Variants in COX16 observed in about 807,000 individuals in gnomAD.
COX16 encodes cytochrome c oxidase assembly factor COX16, also known as cytochrome c oxidase assembly protein COX16 homolog, mitochondrial.
A neutral mutation model predicts 15.4 loss-of-function variants in COX16; 12 were observed. The ratio of observed to expected loss-of-function variants is 0.78; its 90% CI spans 0.50 to 1.26. The LOEUF (loss-of-function observed/expected upper bound fraction) is 1.26, where lower values mean the gene tolerates loss of function less well. Among genes scored for constraint, COX16 ranks in the 50% most tolerant of loss-of-function variants. COX16 has a pLI of 0.00. For missense variants in COX16, 124 were observed against 127.6 expected (o/e 0.97, Z 0.14); for synonymous variants, 46 against 41.1 (o/e 1.12, Z -0.46).
intron 2 of COX16, among the ~76,000 whole-genome samples, chr14:70,330,311 TCCAAA>T (rs1371058848): frequency 6.6e-6 from 1 of 152,064 alleles, no homozygotes; most frequent in African/African-American, 2.4e-5. Context: ...AATACAACTT[TCCAAA>T]ACTGACAAAG....
intron 2 of COX16, among the ~76,000 whole-genome samples, chr14:70,337,133 G>C (rs1438308109): frequency 2.0e-5 from 3 of 152,134 alleles, no homozygotes; most frequent in Non-Finnish European, 4.4e-5. Flanking sequence ...AAAAAGTAGA[G>C]ATCAAAACAT....
In COX16 at chr14:70,357,989, C is replaced by G. The variant is rs1016959623; in HGVS notation, c.69+1530G>C. 2.5e-4 allele frequency among the ~76,000 whole-genome samples: 38 copies of G among 152,224 alleles called. 1 individual carries two copies. Among genetic ancestry groups the G allele is most frequent in the Admixed American group, 1.6e-3 (25 of 15,294 alleles). On this transcript the variant is annotated intron_variant, in intron 1 of 3. Transcript: ENST00000389912. ...TCATAATAGTCAAAAATTGAAACAA[C>G]CCAAATGTTCATCAATTGATAAAAT...
intron 1 of COX16, among the ~76,000 whole-genome samples, chr14:70,349,144 C>T (rs1221811617): frequency 1.3e-5 from 2 of 152,180 alleles, no homozygotes; most frequent in Non-Finnish European, 2.9e-5. Context: ...GCAACTTCTC[C>T]GCCCTGTTCT....
At chr14:70,326,884 T>G (rs1399808804) in intron 3 of COX16, among the ~76,000 whole-genome samples, 1 of 152,146 alleles carries the variant, frequency 6.6e-6, no homozygotes, top group Admixed American at 6.5e-5. Context: ...GAGACCAAGA[T>G]CATTTGTCTT....
rs1886658847 is a variant in COX16, at chr14:70,342,679, T to C, written c.120A>G (p.Arg40=). 6.2e-7 allele frequency: 1 copy of C among 1,612,932 alleles called. No individual in the cohort carries two copies. The highest frequency in any genetic ancestry group is 1.3e-5 in the African/African-American group (1 of 74,822). The part of the protein sequence containing the change: ...SFGLREFSQI[R]YDAVKSKMDP... ...TTACTTTACTCTTCACAGCATCATA[T>C]CGGATTTGAGAAAACTCACGAAGAC... Residue 40 remains arginine, a synonymous_variant, in exon 2 of 4, where the codon CGA becomes CGG. Coordinates refer to ENST00000389912, the MANE Select transcript of COX16 (RefSeq NM_016468.7).
chr14:70,347,273 G>A (rs1290082836), intron 1 of COX16, among the ~76,000 whole-genome samples: 1 of 152,096 alleles, frequency 6.6e-6, no homozygotes, highest in Non-Finnish European at 1.5e-5. Context: ...CTTAGTCCAG[G>A]ACCTCAGGCT....
chr14:70,329,387 T>C, intron 2 of COX16, 151 bp from the exon 3 acceptor site: 1 of 607,534 alleles, frequency 1.6e-6, no homozygotes, highest in Non-Finnish European at 2.8e-6. Flanking sequence ...CACATAATGA[T>C]AACTAATGTA....
At chr14:70,332,499 C>G (rs1014212129) in intron 2 of COX16, among the ~76,000 whole-genome samples, 13 of 152,286 alleles carry the variant, frequency 8.5e-5, no homozygotes, top group South Asian at 2.1e-4. Context: ...CCCAGGGGGG[C>G]CCAGTCTCAG....
At position 70,342,717 on chromosome 14, in the gene COX16, C is replaced by T. The variant is rs749123716; in HGVS notation, c.82G>A (p.Gly28Arg). The T allele has an allele frequency of 6.2e-7, 1 of 1,612,488 alleles. No individual in the cohort carries two copies. The highest frequency in any genetic ancestry group is 1.7e-5 in the Admixed American group (1 of 59,770). Residue 28 changes from glycine to arginine, a missense_variant, in exon 2 of 4, where the codon GGA becomes AGA. Coordinates refer to ENST00000389912, the MANE Select transcript of COX16 (RefSeq NM_016468.7). ...AACTCACGAAGACCAAAAGAACCTC[C>T]AACAATCAGCAACTAAAACAAAGAA... ...YGVPMLLLIV[G>R]GSFGLREFSQ...
At chr14:70,337,244 A>G (rs893038220) in intron 2 of COX16, among the ~76,000 whole-genome samples, 2 of 152,160 alleles carry the variant, frequency 1.3e-5, no homozygotes, top group Non-Finnish European at 2.9e-5. Flanking sequence ...TATCAATTTA[A>G]AGCCATGTAG....
At chr14:70,328,455 T>C (rs1886164665) in intron 3 of COX16, among the ~76,000 whole-genome samples, 1 of 152,038 alleles carries the variant, frequency 6.6e-6, no homozygotes, top group South Asian at 2.1e-4. Context: ...GTCAAAAAAA[T>C]GACAAACTCA....
intron 1 of COX16, among the ~76,000 whole-genome samples, chr14:70,351,137 C>CA (rs1390224285): frequency 6.6e-6 from 1 of 152,156 alleles, no homozygotes; most frequent in African/African-American, 2.4e-5. Flanking sequence ...TGCCTGAACT[C>CA]AAAGGGTACA....
chr14:70,347,734 T>C (rs571887254), intron 1 of COX16, among the ~76,000 whole-genome samples: 2 of 152,144 alleles, frequency 1.3e-5, no homozygotes, highest in Non-Finnish European at 2.9e-5. Context: ...TAGTCACTTA[T>C]CTAGGCCTGG....
intron 1 of COX16, among the ~76,000 whole-genome samples, chr14:70,351,405 G>A (rs973935382): frequency 1.3e-5 from 2 of 152,122 alleles, no homozygotes; most frequent in African/African-American, 4.8e-5. Context: ...AAACTACAAT[G>A]CATTAACTAC....
At chr14:70,350,020 A>G (rs746002267) in intron 1 of COX16, among the ~76,000 whole-genome samples, 4 of 152,134 alleles carry the variant, frequency 2.6e-5, no homozygotes, top group Non-Finnish European at 4.4e-5. Context: ...TGCCCACGCC[A>G]CCCCTATGTC....
intron 1 of COX16, among the ~76,000 whole-genome samples, chr14:70,357,396 T>A (rs963496505): frequency 3.0e-4 from 46 of 152,250 alleles, no homozygotes; most frequent in African/African-American, 1.1e-3. Flanking sequence ...TATGACTAAT[T>A]TGAAGCTCTG....
intron 2 of COX16, among the ~76,000 whole-genome samples, chr14:70,336,750 A>C (rs1229450484): frequency 6.6e-6 from 1 of 152,220 alleles, no homozygotes; most frequent in Non-Finnish European, 1.5e-5. Context: ...TTTCTGCCTT[A>C]CCAGCATACA....
chr14:70,327,054 A>G (rs752851864), intron 3 of COX16, among the ~76,000 whole-genome samples: 1 of 152,230 alleles, frequency 6.6e-6, no homozygotes, highest in Non-Finnish European at 1.5e-5. Flanking sequence ...ATAAAAGGGA[A>G]GAAATAAATG....
intron 2 of COX16, 143 bp downstream of exon 2, chr14:70,342,515 T>C (rs1886653667): frequency 4.1e-6 from 3 of 727,824 alleles, no homozygotes; most frequent in Non-Finnish European, 4.2e-6. Context: ...ACTAATGTTA[T>C]TTTAAAGAAA....
Sources: allele counts gnomAD v4.1 joint callset (sites outside exome capture counted in the v4.1 genomes callset), GRCh38; gene constraint gnomAD v4.1.1; transcripts MANE v1.5; gene names NCBI Gene and HGNC (gene_info 2026-07-23, HGNC 2026-07-21).